ZNF534: variants seen among roughly 807,000 people sequenced by gnomAD.
ZNF534 encodes zinc finger protein 534, also known as KRAB domain only 3.
A neutral mutation model predicts 13.6 loss-of-function variants in ZNF534; 19 were observed. The observed-to-expected ratio is 1.40, with a 90% confidence interval of 0.97 to 2.05. The LOEUF is 2.05. ZNF534 is among the 30% of genes most tolerant of loss of function. The pLI is 0.00. For synonymous variants in ZNF534, 244 were observed against 273.8 expected, an observed-to-expected ratio of 0.89 and a Z score of 1.07; for missense variants, 782 against 796.3, an observed-to-expected ratio of 0.98 and a Z score of 0.22.
chr19:52,450,876 G>A (rs1287657824), intron 4 of ZNF534, among the ~76,000 whole-genome samples: 2 of 151,454 alleles, frequency 1.3e-5, no homozygotes, highest in East Asian at 1.9e-4. Flanking sequence ...TTGTAGGGAT[G>A]GGTTTTGCCA....
chr19:52,446,590 G>T (rs2059195360), downstream of ZNF534, among the ~76,000 whole-genome samples: 2 of 152,064 alleles, frequency 1.3e-5, no homozygotes, highest in Non-Finnish European at 2.9e-5. Context: ...GAGTGTGGTG[G>T]CTCGTGCCTG....
At chr19:52,442,648 A>T (rs113009439), downstream of ZNF534, among the ~76,000 whole-genome samples, 859 of 152,272 alleles carry the variant, frequency 5.6e-3, 12 homozygotes, top group African/African-American at 0.02. Flanking sequence ...TTTCCTCTTT[A>T]TAACTTTCAA....
At chr19:52,431,141 G>A (rs2059084535) in intron 1 of ZNF534, among the ~76,000 whole-genome samples, 2 of 152,272 alleles carry the variant, frequency 1.3e-5, no homozygotes, top group Non-Finnish European at 2.9e-5. Context: ...GGGAGCCACC[G>A]CACCCGGCCA....
rs762406765 is a variant in ZNF534 at position 52,438,468 on chromosome 19, G to T, written c.1008G>T (p.Arg336Ser). The T allele has an allele frequency of 1.3e-6, 2 of 1,599,838 alleles. No individual in the cohort carries two copies. The highest frequency in any genetic ancestry group is 1.7e-6 in the Non-Finnish European group (2 of 1,172,896). ...YDCKECGKVF[R>S]HKSSLTTHQT... ...GTAAGGAATGTGGCAAGGTCTTCAG[G>T]CATAAGTCTTCCCTAACCACTCATC... Residue 336 changes from arginine to serine, a missense_variant, in exon 5 of 5, where the codon AGG (arginine) becomes AGT (serine). Arg to Ser is a moderately radical substitution (Grantham distance 110). This residue lies in a region of ZNF534 where 591 missense variants were observed against 574.0 expected (regional missense o/e 1.03). Coordinates refer to ENST00000433050, the MANE Select transcript of ZNF534 (RefSeq NM_001143938.3).
rs758846826 is a variant in ZNF534 at position 52,439,020 on chromosome 19, G to A, written c.1560G>A (p.Lys520=). 18 of 1,600,370 alleles carry A rather than the reference G, an allele frequency of 1.1e-5. No individual in the cohort carries two copies. The highest frequency in any genetic ancestry group is 3.3e-4 in the Middle Eastern group (2 of 6,070). ...ATAGGGATATTCATACTGGAGAGAA[G>A]CCTTACAGTTGTAATGAATGTGGCA... ...AQHRDIHTGE[K]PYSCNECGKV... is the part of the protein sequence containing the mutation. Residue 520 remains lysine (K), a synonymous_variant, in exon 5 of 5, where the codon AAG becomes AAA. Transcript: ENST00000433050.
chr19:52,444,957 C>T (rs775510789), downstream of ZNF534, among the ~76,000 whole-genome samples: 3 of 152,132 alleles, frequency 2.0e-5, no homozygotes, highest in African/African-American at 7.2e-5. Context: ...GTAAGGCTTT[C>T]GTGCCTCCCA....
Position 52,435,073 on chromosome 19 carries a change from G to C in ZNF534, c.143-8G>C. ...CAGCACACATTTATTCTTTCTTTTTGTAAGTAGGAATCTGTCTTCCTGACC... is the reference window on the plus strand; with the variant it reads ...CAGCACACATTTATTCTTTCTTTTTCTAAGTAGGAATCTGTCTTCCTGACC... On this transcript the variant is annotated splice_region_variant and splice_polypyrimidine_tract_variant and intron_variant, in intron 3 of 4. Coordinates refer to ENST00000433050, the MANE Select transcript of ZNF534 (RefSeq NM_001143938.3). 1 of 1,609,582 alleles carries C rather than the reference G, an allele frequency of 6.2e-7. No individual in the cohort carries two copies.
chr19:52,441,342 T>C lies in ZNF534; in HGVS notation c.*1896T>C, dbSNP rs568967704. On this transcript the variant is annotated 3_prime_UTR_variant, in exon 5 of 5. Coordinates refer to ENST00000433050, the MANE Select transcript of ZNF534 (RefSeq NM_001143938.3). ...CCAACCTGGGTAACATAAGGACAAC[T>C]CCATCTCTACAAATAATAAAAAATT... is the stretch of plus-strand genomic sequence containing the variant. Among the ~76,000 whole-genome samples, 46 of 152,200 alleles carry C rather than the reference T, an allele frequency of 3.0e-4. No homozygotes were observed. Among genetic ancestry groups the C allele is most frequent in the African/African-American group, 1.1e-3 (44 of 41,540 alleles).
downstream of ZNF534, among the ~76,000 whole-genome samples, chr19:52,447,211 G>T (rs1350901460): frequency 6.6e-6 from 1 of 152,180 alleles, no homozygotes; most frequent in East Asian, 1.9e-4. Context: ...GATGACATTT[G>T]TGAACCCTCT....
chr19:52,433,236 CAAAAAAAA>C (rs1171627054), intron 2 of ZNF534, among the ~76,000 whole-genome samples: 5 of 64,616 alleles, frequency 7.7e-5, no homozygotes, highest in Non-Finnish European at 1.1e-4. Flanking sequence ...GATCCTATCT[CAAAAAAAA>C]AAAAAAAAAA....
At chr19:52,437,222 C>A (rs547148997) in intron 4 of ZNF534, among the ~76,000 whole-genome samples, 5 of 152,306 alleles carry the variant, frequency 3.3e-5, no homozygotes, top group Admixed American at 2.0e-4. Context: ...TATAATCTCT[C>A]TCAAGCTTTC....
intron 2 of ZNF534, 88 bp downstream of exon 2, chr19:52,431,577 A>G (rs1215299889): frequency 1.9e-6 from 3 of 1,553,752 alleles, no homozygotes; most frequent in Non-Finnish European, 2.7e-6. Context: ...ACTCTGAAGC[A>G]TCCTGCCTGA....
chr19:52,430,998 G>A (rs528265682), intron 1 of ZNF534, among the ~76,000 whole-genome samples: 1 of 152,030 alleles, frequency 6.6e-6, no homozygotes, highest in Non-Finnish European at 1.5e-5. Context: ...TTACAGGCCC[G>A]TGTCACCACG....
rs1293637192 is a variant in ZNF534, at chr19:52,442,075, G to A, written c.*2629G>A. The stretch of plus-strand genomic sequence containing the variant: ...ATATACTTTTGGATAAAACGACACA[G>A]ATGGATTGTATATGCTGAGGATATC... On this transcript the variant is annotated 3_prime_UTR_variant, in exon 5 of 5. Transcript: ENST00000433050. Among the ~76,000 whole-genome samples, 1 of 152,064 alleles carries A rather than the reference G, an allele frequency of 6.6e-6. No individual in the cohort carries two copies. Among genetic ancestry groups the A allele is most frequent in the Non-Finnish European group, 1.5e-5 (1 of 68,018 alleles).
downstream of ZNF534, among the ~76,000 whole-genome samples, chr19:52,445,867 C>T (rs8106806): frequency 0.92 from 138,552 of 151,394 alleles, 63,751 homozygotes; most frequent in Non-Finnish European, 0.96. Flanking sequence ...TTTCCTTCCA[C>T]ACATTGTAAT....
chr19:52,438,674 C>T lies in ZNF534; in HGVS notation c.1214C>T (p.Thr405Ile). ...CTTGCACGACATAGGAAAATTCATA[C>T]TGGGGGGAGGCGTTACAAATGTAAT... Reference protein sequence around the residue: ...SRLARHRKIHTGGRRYKCNEC... With the variant: ...SRLARHRKIHIGGRRYKCNEC... Residue 405 changes from threonine to isoleucine, a missense_variant, in exon 5 of 5, where the codon ACT becomes ATT. By Grantham distance (89) the Thr-to-Ile change is moderately conservative. Transcript: ENST00000433050. 1 of 1,580,546 alleles carries T rather than the reference C, an allele frequency of 6.3e-7. No individual in the cohort carries two copies. Among genetic ancestry groups the T allele is most frequent in the South Asian group, 1.1e-5 (1 of 87,728 alleles).
intron 3 of ZNF534, 40 bp downstream of exon 3, chr19:52,434,121 G>T (rs1468377607): frequency 9.4e-6 from 15 of 1,588,850 alleles, no homozygotes; most frequent in Non-Finnish European, 1.3e-5. Flanking sequence ...ATCTGCTCTG[G>T]TATATCTTTT....
At chr19:52,443,070 G>A (rs2059182207), downstream of ZNF534, among the ~76,000 whole-genome samples, 1 of 152,132 alleles carries the variant, frequency 6.6e-6, no homozygotes, top group South Asian at 2.1e-4. Flanking sequence ...GAGGGGAAGG[G>A]GTGGTCACCT....
At chr19:52,437,592 A>G (rs1428178) in intron 4 of ZNF534, 140 bp from the exon 5 acceptor site, 761,768 of 815,326 alleles carry the variant, frequency 0.93, 358,080 homozygotes, top group Non-Finnish European at 0.97. Context: ...CTGGGTGACA[A>G]TGTGAGACTC....
Sources: gnomAD v4.1 joint callset for allele counts (sites outside exome capture counted in the v4.1 genomes callset) on GRCh38, gnomAD v4.1.1 for gene constraint, gnomAD v4.1.1 regional missense constraint, MANE v1.5 for transcripts, NCBI Gene and HGNC (gene_info 2026-07-23, HGNC 2026-07-21) for gene names.